Variants in HK3 observed in about 807,000 individuals in gnomAD.
The protein encoded by HK3 is hexokinase 3, also known as hexokinase-3.
HK3 carries 93 observed loss-of-function variants against 91.0 expected under a neutral mutation model. That is an observed-to-expected ratio of 1.02 (90% CI 0.86 to 1.21). The LOEUF (loss-of-function observed/expected upper bound fraction) is 1.21, where lower values mean the gene tolerates loss of function less well. HK3 is among the 50% of genes most tolerant of loss of function. HK3 has a pLI of 0.00. For missense variants in HK3, 1,235 were observed against 1,247.4 expected, an observed-to-expected ratio of 0.99 and a Z score of 0.15; for synonymous variants, 519 against 516.9, an observed-to-expected ratio of 1.00 and a Z score of -0.06.
At chr5:176,888,971 A>G in intron 8 of HK3, 107 bp from the exon 9 acceptor site, 3 of 1,308,280 alleles carry the variant, frequency 2.3e-6, no homozygotes, top group Non-Finnish European at 3.1e-6. Context: ...GGGGCTCCCA[A>G]ACTGGAGACT....
In HK3 at chr5:176,888,769, G is replaced by A; in HGVS notation, c.1010C>T (p.Thr337Ile). The change falls in exon 9 of 19, where the codon ACC (threonine) becomes ATC (isoleucine). Residue 337 changes from threonine to isoleucine, a missense_variant. By Grantham distance (89) the Thr-to-Ile change is moderately conservative (BLOSUM62 -1). Transcript: ENST00000292432. The stretch of plus-strand genomic sequence containing the variant: ...GCCTTGGCTCAGCAGGGCAGGGGAG[G>A]TGCAGCCACCAAAGAGGACCCCACA... ...ARCGVLFGGC[T>I]SPALLSQGSI... 1.2e-6 allele frequency: 2 copies of A among 1,614,194 alleles called. No individual in the cohort carries two copies. The highest frequency in any genetic ancestry group is 1.7e-6 in the Non-Finnish European group (2 of 1,180,024).
At chr5:176,892,686 C>T (rs1358428138) in intron 2 of HK3, among the ~76,000 whole-genome samples, 3 of 152,188 alleles carry the variant, frequency 2.0e-5, no homozygotes, top group Non-Finnish European at 4.4e-5. Flanking sequence ...AGTTCCATTT[C>T]AATGACCTAT....
Position 176,881,825 on chromosome 5 carries a change from T to C in HK3, c.2260A>G (p.Met754Val). 3 of 1,614,020 alleles carry C rather than the reference T, an allele frequency of 1.9e-6. No individual in the cohort carries two copies. Among genetic ancestry groups the C allele is most frequent in the African/African-American group, 1.3e-5 (1 of 75,032 alleles). Residue 754 changes from methionine to valine, a missense_variant, in exon 17 of 19, where the codon ATG becomes GTG. Met to Val is a conservative substitution (Grantham distance 21). Around this residue, in one of 3 missense-constraint regions of HK3, gnomAD observed 513 missense variants for 477.4 expected, o/e 1.07. Transcript: ENST00000292432. The stretch of plus-strand genomic sequence containing the variant: ...TGGCGGACGATCTCCCCCAGGTACA[T>C]GCCGCTGATCATCTTTTCAAACCTG... ...KQRFEKMISG[M>V]YLGEIVRHIL...
intron 1 of HK3, among the ~76,000 whole-genome samples, chr5:176,896,999 G>A (rs1207197819): frequency 6.6e-6 from 1 of 151,634 alleles, no homozygotes; most frequent in Non-Finnish European, 1.5e-5. Flanking sequence ...GTACTCAGAG[G>A]TGGGAACCCT....
Position 176,889,666 on chromosome 5 carries a change from A to G in HK3, c.709T>C (p.Cys237Arg), listed in dbSNP as rs1432661828. The change falls in exon 7 of 19, where the codon TGT becomes CGT. Residue 237 changes from cysteine to arginine, a missense_variant. Coordinates refer to ENST00000292432, the MANE Select transcript of HK3 (RefSeq NM_002115.3). ...MMGCEPGVRP[C>R]EVGLVVDTGT... is the part of the protein sequence containing the mutation. ...TCACCTACAACTAGCCCAACCTCAC[A>G]CGGCCTGACCCCCGGCTCACAGCCC... is the stretch of plus-strand genomic sequence containing the variant. The G allele has an allele frequency of 7.4e-6, 12 of 1,613,896 alleles. No individual in the cohort carries two copies. Among genetic ancestry groups the G allele is most frequent in the Non-Finnish European group, 1.0e-5 (12 of 1,179,984 alleles).
In HK3 at chr5:176,890,849, G is replaced by A; in HGVS notation, c.507C>T (p.Phe169=). 1 of 1,614,154 alleles carries A rather than the reference G, an allele frequency of 6.2e-7. No individual in the cohort carries two copies. Among genetic ancestry groups the A allele is most frequent in the East Asian group, 2.2e-5 (1 of 44,884 alleles). ...QGLQLGFSFS[F]PCHQTGLDRS... ...TGTCCAAGCCCGTCTGGTGACAAGG[G>A]AAAGAGAAGCTGAAGCCAAGCTGCA... Residue 169 remains phenylalanine (F), a synonymous_variant, in exon 5 of 19, where the codon TTC becomes TTT. Transcript: ENST00000292432.
At chr5:176,889,132 C>T (rs1197463735) in intron 8 of HK3, among the ~76,000 whole-genome samples, 1 of 152,218 alleles carries the variant, frequency 6.6e-6, no homozygotes, top group Non-Finnish European at 1.5e-5. Flanking sequence ...ACTTCCAGCC[C>T]TCAACCCCCA....
At position 176,891,430 on chromosome 5, in the gene HK3, G is replaced by A. The variant is rs373192953; in HGVS notation, c.217C>T (p.Arg73Trp). The A allele has an allele frequency of 2.3e-5, 37 of 1,613,806 alleles. No individual in the cohort carries two copies. The highest frequency in any genetic ancestry group is 1.0e-4 in the Admixed American group (6 of 59,980). ...RGQASPAPAVRMLPTYVGSTP... is the reference protein window; with the variant it reads ...RGQASPAPAVWMLPTYVGSTP... ...GACCCCACGTATGTAGGCAGCATCC[G>A]GACCGCAGGGGCAGGGCTGGCCTGT... is the stretch of plus-strand genomic sequence containing the variant. Residue 73 changes from arginine (R) to tryptophan (W), a missense_variant, in exon 3 of 19, where the codon CGG becomes TGG. Physicochemically the swap from Arg to Trp is moderately radical, Grantham distance 101 (BLOSUM62 -3). Around this residue, in one of 3 missense-constraint regions of HK3, gnomAD observed 717 missense variants for 751.6 expected, o/e 0.95. Transcript: ENST00000292432.
Position 176,882,025 on chromosome 5 carries a change from C to G in HK3, c.2156G>C (p.Gly719Ala). ...MCINMEWGAFGDDGSLAMLST... is the reference protein window; with the variant it reads ...MCINMEWGAFADDGSLAMLST... ...GAGCATGGCCAGAGAGCCATCGTCCCCAAAGGCGCCCCACTCCATGTTGAT... is the reference window on the plus strand; with the variant it reads ...GAGCATGGCCAGAGAGCCATCGTCCGCAAAGGCGCCCCACTCCATGTTGAT... Residue 719 changes from glycine (G) to alanine (A), a missense_variant, in exon 16 of 19, where the codon GGG becomes GCG. This residue lies in a region of HK3 where 513 missense variants were observed against 477.4 expected (regional missense o/e 1.07). Coordinates refer to ENST00000292432, the MANE Select transcript of HK3 (RefSeq NM_002115.3). 6.2e-7 allele frequency: 1 copy of G among 1,613,272 alleles called. No homozygotes were observed. The highest frequency in any genetic ancestry group is 1.1e-5 in the South Asian group (1 of 91,082).
intron 1 of HK3, among the ~76,000 whole-genome samples, chr5:176,897,995 C>T (rs959390526): frequency 3.9e-5 from 6 of 152,200 alleles, no homozygotes; most frequent in South Asian, 2.1e-4. Context: ...CTGGAGACAT[C>T]GAAGTGTGCT....
Position 176,891,399 on chromosome 5 carries a change from G to A in HK3, c.248C>T (p.Pro83Leu). ...RMLPTYVGST[P>L]HGTEQGDFVV... ...TCTATGATACCCACCAGTGCCATGT[G>A]GGGTGGACCCCACGTATGTAGGCAG... is the stretch of plus-strand genomic sequence containing the variant. Residue 83 changes from proline (P) to leucine (L), a missense_variant, in exon 3 of 19, where the codon CCA becomes CTA. Pro to Leu is a moderately conservative substitution (Grantham distance 98). Transcript: ENST00000292432. 1.2e-6 allele frequency: 2 copies of A among 1,613,084 alleles called. No individual in the cohort carries two copies. The highest frequency in any genetic ancestry group is 2.2e-5 in the South Asian group (2 of 90,940).
At chr5:176,898,323 A>C (rs1484667198) in intron 1 of HK3, among the ~76,000 whole-genome samples, 1 of 152,204 alleles carries the variant, frequency 6.6e-6, no homozygotes, top group Non-Finnish European at 1.5e-5. Context: ...TTTATTTAAT[A>C]AAGCAACAAA....
At chr5:176,894,933 T>C (rs892061672) in intron 2 of HK3, among the ~76,000 whole-genome samples, 2 of 151,218 alleles carry the variant, frequency 1.3e-5, no homozygotes, top group African/African-American at 2.4e-5. Context: ...CCTGCCACCA[T>C]GCCCAGCTAA....
At chr5:176,885,800 A>G (rs1020997580) in intron 13 of HK3, among the ~76,000 whole-genome samples, 1 of 151,044 alleles carries the variant, frequency 6.6e-6, no homozygotes, top group Non-Finnish European at 1.5e-5. Flanking sequence ...CGATTTGCAC[A>G]TGGAGTCTCA....
Position 176,887,153 on chromosome 5 carries a change from T to C in HK3, c.1738-32A>G. The C allele has an allele frequency of 6.2e-7, 1 of 1,614,186 alleles. No homozygotes were observed. On this transcript the variant is annotated intron_variant, in intron 12 of 18. Transcript: ENST00000292432. The surrounding 1 kb of genome is among the most constrained non-coding windows in gnomAD (Gnocchi z 4.9). ...GGCAGGACAGGTCAGGCGTAGGCAC[T>C]GCTCAGCCCTTCCCCACCTCTGACA...
chr5:176,892,850 CAG>C (rs1437050246), intron 2 of HK3, among the ~76,000 whole-genome samples: 1 of 152,218 alleles, frequency 6.6e-6, no homozygotes, highest in Non-Finnish European at 1.5e-5. Flanking sequence ...GAATGGGAAA[CAG>C]ATCCCTAAGA....
At position 176,891,113 on chromosome 5, in the gene HK3, A is replaced by C. The variant is rs975470805; in HGVS notation, c.338T>G (p.Ile113Ser). The C allele has an allele frequency of 1.2e-6, 2 of 1,614,070 alleles. No individual in the cohort carries two copies. Among genetic ancestry groups the C allele is most frequent in the Non-Finnish European group, 1.7e-6 (2 of 1,180,010 alleles). The change falls in exon 4 of 19, where the codon ATT becomes AGT. Residue 113 changes from isoleucine (I) to serine (S), a missense_variant. By Grantham distance (142) the Ile-to-Ser change is moderately radical. Coordinates refer to ENST00000292432, the MANE Select transcript of HK3 (RefSeq NM_002115.3). ...LRVLWVTLTG[I>S]EGHRVEPRSQ... is the part of the protein sequence containing the mutation. ...TCTGGGCTCCACCCTATGCCCCTCA[A>C]TGCCAGTTAGAGTCACCCACAAAAC...
Position 176,881,165 on chromosome 5 carries a change from CCA to C in HK3, c.2678_2679del (p.Val893GlyfsTer37), listed in dbSNP as rs1474838222. 2 of 1,613,032 alleles carry C rather than the reference CCA, an allele frequency of 1.2e-6. No individual in the cohort carries two copies. Among genetic ancestry groups the C allele is most frequent in the Non-Finnish European group, 1.7e-6 (2 of 1,179,936 alleles). On this transcript the variant is annotated frameshift_variant, in exon 19 of 19. Transcript: ENST00000292432. LOFTEE classifies it high-confidence loss of function. ...ATVRELAPRCVVTFLQSEDGS... is the reference protein window; with the variant it reads ...ATVRELAPRCXVTFLQSEDGS... ...CCATCCTCTGACTGCAGGAACGTGA[CCA>C]CACAGCGAGGGGCCAGCTCCCGCAC... is the stretch of plus-strand genomic sequence containing the variant.
At position 176,884,607 on chromosome 5, in the gene HK3, G is replaced by A. The variant is rs370745333; in HGVS notation, c.1858-473C>T. Among the ~76,000 whole-genome samples, 274 of 152,348 alleles carry A rather than the reference G, an allele frequency of 1.8e-3. 4 individuals carry two copies. The highest frequency in any genetic ancestry group is 0.014 in the Middle Eastern group (4 of 294). On this transcript the variant is annotated intron_variant, in intron 13 of 18. Coordinates refer to ENST00000292432, the MANE Select transcript of HK3 (RefSeq NM_002115.3). The surrounding 1 kb of genome is among the most constrained non-coding windows in gnomAD (Gnocchi z 4.1). ...CAGGGATAGAGCCGTGTCAATGGGC[G>A]AGTCACTCATGTGTTCCAAATGCAG...
Sources: allele counts gnomAD v4.1 joint callset (sites outside exome capture counted in the v4.1 genomes callset), GRCh38; gene constraint gnomAD v4.1.1; regional missense constraint gnomAD v4.1.1; non-coding constraint Gnocchi (gnomAD v3.1); transcripts MANE v1.5; gene names NCBI Gene and HGNC (gene_info 2026-07-23, HGNC 2026-07-21).